Variants in LRRC4C observed in about 807,000 individuals in gnomAD.
LRRC4C encodes leucine rich repeat containing 4C, also known as leucine-rich repeat-containing protein 4C.
In LRRC4C, 5 loss-of-function variants were observed where a neutral mutation model predicts 33.6. The observed-to-expected ratio is 0.15, with a 90% CI of 0.08 to 0.31. The LOEUF is 0.31. Ranked by LOEUF, LRRC4C falls within the 10% of genes least tolerant of loss-of-function variation. The pLI, the probability that LRRC4C is intolerant of heterozygous loss-of-function variation, is 1.00. For synonymous variants in LRRC4C, 329 were observed against 302.0 expected, an observed-to-expected ratio of 1.09 and a Z score of -0.93; for missense variants, 560 against 796.7, an observed-to-expected ratio of 0.70 and a Z score of 3.58.
intron 3 of LRRC4C, among the ~76,000 whole-genome samples, chr11:40,566,362 T>C (rs1447193083): frequency 1.3e-5 from 2 of 152,004 alleles, no homozygotes; most frequent in Admixed American, 1.3e-4. Context: ...CGATGAACGT[T>C]GAGTACCATA....
chr11:41,053,971 GT>G (rs1256962939), intron 1 of LRRC4C, among the ~76,000 whole-genome samples: 4 of 152,228 alleles, frequency 2.6e-5, no homozygotes, highest in African/African-American at 9.6e-5. Context: ...TAATTGTCAT[GT>G]TAAGTCATTT....
chr11:40,385,730 G>T (rs1016630739), intron 3 of LRRC4C, among the ~76,000 whole-genome samples: 1 of 151,920 alleles, frequency 6.6e-6, no homozygotes. Flanking sequence ...AGCTGGGCAT[G>T]GTGGCATGTG....
At chr11:41,370,883 G>C (rs1403638461) in intron 1 of LRRC4C, among the ~76,000 whole-genome samples, 1 of 151,880 alleles carries the variant, frequency 6.6e-6, no homozygotes, top group Non-Finnish European at 1.5e-5. Flanking sequence ...ATTTTATGTG[G>C]GCAACATCCC....
In LRRC4C at chr11:40,976,695, A is replaced by G. The variant is rs187960705; in HGVS notation, c.-495-42972T>C. On this transcript the variant is annotated intron_variant, in intron 1 of 6. Coordinates refer to ENST00000528697, the MANE Select transcript of LRRC4C (RefSeq NM_001258419.2). ...TTATTTCCTTGGTCATGAAGGCAAA[A>G]CAATAGAAGAGAGAGTATACAAAAA... 1.5e-3 allele frequency among the ~76,000 whole-genome samples: 226 copies of G among 151,756 alleles called. 2 individuals carry two copies. The highest frequency in any genetic ancestry group is 5.4e-3 in the African/African-American group (222 of 41,052).
intron 5 of LRRC4C, among the ~76,000 whole-genome samples, chr11:40,188,808 A>G (rs1312853313): frequency 8.0e-6 from 1 of 125,378 alleles, no homozygotes; most frequent in Non-Finnish European, 1.9e-5. Context: ...GTAGACCTTG[A>G]TGACATGAAA....
intron 2 of LRRC4C, among the ~76,000 whole-genome samples, chr11:40,769,565 C>T (rs1397568714): frequency 6.6e-6 from 1 of 152,124 alleles, no homozygotes; most frequent in Non-Finnish European, 1.5e-5. Context: ...AATCACATCA[C>T]CTTATCAAAA....
At chr11:41,057,126 G>A (rs954268358) in intron 1 of LRRC4C, among the ~76,000 whole-genome samples, 3 of 152,148 alleles carry the variant, frequency 2.0e-5, no homozygotes, top group East Asian at 1.9e-4. Flanking sequence ...CAGAAACGCC[G>A]CCCCCCATTC....
chr11:40,436,038 CCTT>C (rs1402430448), intron 3 of LRRC4C, among the ~76,000 whole-genome samples: 2 of 152,110 alleles, frequency 1.3e-5, no homozygotes, highest in Non-Finnish European at 2.9e-5. Flanking sequence ...TAAGTCCTAT[CCTT>C]CTTTAATTTT....
At chr11:40,965,446 G>A (rs1322536516) in intron 1 of LRRC4C, among the ~76,000 whole-genome samples, 2 of 152,114 alleles carry the variant, frequency 1.3e-5, no homozygotes, top group African/African-American at 4.8e-5. Context: ...CCTTGTCCAT[G>A]CCTATGTCCT....
intron 1 of LRRC4C, among the ~76,000 whole-genome samples, chr11:41,007,336 C>T (rs1409071396): frequency 6.6e-6 from 1 of 151,686 alleles, no homozygotes; most frequent in Non-Finnish European, 1.5e-5. Flanking sequence ...ACTAATTATT[C>T]TGTAAAATGC....
At chr11:40,795,993 A>G (rs1950809009) in intron 2 of LRRC4C, among the ~76,000 whole-genome samples, 1 of 152,176 alleles carries the variant, frequency 6.6e-6, no homozygotes, top group African/African-American at 2.4e-5. Flanking sequence ...ACGTCTATAT[A>G]TTATCTATAA....
intron 1 of LRRC4C, among the ~76,000 whole-genome samples, chr11:41,341,246 T>C (rs1406803127): frequency 6.6e-6 from 1 of 152,124 alleles, no homozygotes; most frequent in Non-Finnish European, 1.5e-5. Context: ...ACCTAGTTCT[T>C]TGAGAGAAAA....
chr11:40,812,026 T>A (rs1194792347), intron 2 of LRRC4C, among the ~76,000 whole-genome samples: 1 of 152,232 alleles, frequency 6.6e-6, no homozygotes, highest in Non-Finnish European at 1.5e-5. Flanking sequence ...CTTTTCCCTA[T>A]TATTTCACTT....
intron 2 of LRRC4C, among the ~76,000 whole-genome samples, chr11:40,866,023 A>G (rs1954349213): frequency 6.6e-6 from 1 of 151,994 alleles, no homozygotes; most frequent in South Asian, 2.1e-4. Flanking sequence ...AGCCATAAGC[A>G]ACAAATTAAA....
chr11:41,039,371 G>A (rs1857282317), intron 1 of LRRC4C, among the ~76,000 whole-genome samples: 1 of 152,112 alleles, frequency 6.6e-6, no homozygotes, highest in Non-Finnish European at 1.5e-5. Context: ...TCTGTGTTAA[G>A]TTCAGGGATA....
intron 3 of LRRC4C, among the ~76,000 whole-genome samples, chr11:40,642,362 T>C (rs1372783968): frequency 1.3e-5 from 2 of 152,168 alleles, no homozygotes; most frequent in Admixed American, 6.6e-5. Flanking sequence ...TGTTAAAGAA[T>C]TCCTTTTCTG....
intron 2 of LRRC4C, among the ~76,000 whole-genome samples, chr11:40,826,154 A>G (rs933331975): frequency 3.9e-5 from 6 of 151,992 alleles, no homozygotes; most frequent in African/African-American, 1.4e-4. Flanking sequence ...CTTTCTATTT[A>G]GCCAGATTGC....
intron 1 of LRRC4C, among the ~76,000 whole-genome samples, chr11:41,281,084 T>TCTCTGTC: frequency 1.0e-5 from 1 of 95,726 alleles, no homozygotes; most frequent in African/African-American, 3.4e-5. Context: ...CTGTCCTCTC[T>TCTCTGTC]CTCTCTCTCT....
At chr11:41,176,943 C>T (rs1012773053) in intron 1 of LRRC4C, among the ~76,000 whole-genome samples, 10 of 152,034 alleles carry the variant, frequency 6.6e-5, no homozygotes, top group Admixed American at 1.3e-4. Context: ...CCAGCCTGGG[C>T]GACAGAGTAA....
Sources: allele counts gnomAD v4.1 joint callset (sites outside exome capture counted in the v4.1 genomes callset), GRCh38; gene constraint gnomAD v4.1.1; transcripts MANE v1.5; gene names NCBI Gene and HGNC (gene_info 2026-07-23, HGNC 2026-07-21).